The following ZFPM2 variants were observed in gnomAD, a reference collection of about 807,000 sequenced individuals.
The protein encoded by ZFPM2 is zinc finger protein, FOG family member 2, also known as zinc finger protein ZFPM2.
A neutral mutation model predicts 98.6 loss-of-function variants in ZFPM2; 20 were observed. That is an observed-to-expected ratio of 0.20 (90% confidence interval 0.14 to 0.29). The LOEUF (loss-of-function observed/expected upper bound fraction) is 0.29. Ranked by LOEUF, ZFPM2 falls within the 10% of genes least tolerant of loss-of-function variation. The probability of loss-of-function intolerance (pLI) is 1.00; values close to 1 mark genes in which losing one functional copy is unlikely to be tolerated. For synonymous variants in ZFPM2, 518 were observed against 502.7 expected (o/e 1.03, Z -0.41); for missense variants, 1,310 against 1,388.6 (o/e 0.94, Z 0.90).
At chr8:105,604,213 G>A (rs768890489) in intron 4 of ZFPM2, among the ~76,000 whole-genome samples, 12 of 151,852 alleles carry the variant, frequency 7.9e-5, no homozygotes, top group Non-Finnish European at 1.3e-4. Flanking sequence ...CTCAAATCTG[G>A]GAGTTAGCCT....
intron 5 of ZFPM2, among the ~76,000 whole-genome samples, chr8:105,726,740 AGTGTGGCAGGAT>A: frequency 6.6e-6 from 1 of 151,906 alleles, no homozygotes; most frequent in East Asian, 2.0e-4. Context: ...TTAGGTGATA[AGTGTGGCAGGAT>A]GTGAGGGAAA....
chr8:105,365,166 A>G (rs1260452539), intron 1 of ZFPM2, among the ~76,000 whole-genome samples: 1 of 152,202 alleles, frequency 6.6e-6, no homozygotes, highest in Non-Finnish European at 1.5e-5. Flanking sequence ...TGGTGATCAC[A>G]TAACTCACAG....
chr8:105,755,781 TA>T (rs1563550547), intron 5 of ZFPM2, among the ~76,000 whole-genome samples: 1 of 152,266 alleles, frequency 6.6e-6, no homozygotes, highest in African/African-American at 2.4e-5. Context: ...TTAAAATTAA[TA>T]AAAAAGAACC....
intron 3 of ZFPM2, among the ~76,000 whole-genome samples, chr8:105,517,857 A>G (rs1245243868): frequency 6.6e-6 from 1 of 152,094 alleles, no homozygotes; most frequent in Non-Finnish European, 1.5e-5. Context: ...GATTGCAGTG[A>G]ACCATGTTCA....
At chr8:105,385,730 C>G (rs1158877413) in intron 1 of ZFPM2, among the ~76,000 whole-genome samples, 2 of 152,192 alleles carry the variant, frequency 1.3e-5, no homozygotes, top group Non-Finnish European at 2.9e-5. Flanking sequence ...TACTTTATAG[C>G]AGTAATGTCA....
Position 105,435,680 on chromosome 8 carries a change from G to C in ZFPM2, c.200-8600G>C, listed in dbSNP as rs777372796. Among the ~76,000 whole-genome samples the C allele has an allele frequency of 1.3e-3, 201 of 151,738 alleles. 3 individuals are homozygous for C. The highest frequency in any genetic ancestry group is 1.7e-3 in the Non-Finnish European group (115 of 67,952). Reference sequence around the variant, plus strand: ...ATGGATAGAAGTAAAAAAAAATGTTGGTCAATAAAGTCAATTTCATTTAAA... The same window carrying C: ...ATGGATAGAAGTAAAAAAAAATGTTCGTCAATAAAGTCAATTTCATTTAAA... On this transcript the variant is annotated intron_variant, in intron 2 of 7. Coordinates refer to ENST00000407775, the MANE Select transcript of ZFPM2 (RefSeq NM_012082.4).
At chr8:105,557,134 TCTA>T (rs1815013959) in intron 3 of ZFPM2, among the ~76,000 whole-genome samples, 1 of 152,166 alleles carries the variant, frequency 6.6e-6, no homozygotes, top group African/African-American at 2.4e-5. Context: ...CAATTTCTTT[TCTA>T]TGTCTCTTGC....
At chr8:105,740,250 A>G (rs1184255992) in intron 5 of ZFPM2, among the ~76,000 whole-genome samples, 2 of 151,998 alleles carry the variant, frequency 1.3e-5, no homozygotes, top group Admixed American at 6.6e-5. Context: ...CTTCTCTCCT[A>G]CAGAGGTTAA....
chr8:105,769,627 T>G (rs1266951775), intron 5 of ZFPM2, among the ~76,000 whole-genome samples: 1 of 152,080 alleles, frequency 6.6e-6, no homozygotes. Context: ...AATCATATAA[T>G]GAGCCTTGAT....
chr8:105,320,576 G>A (rs575767241), intron 1 of ZFPM2, among the ~76,000 whole-genome samples: 1 of 152,204 alleles, frequency 6.6e-6, no homozygotes, highest in Admixed American at 6.5e-5. Context: ...CTTATTATAA[G>A]ATATGATTAT....
chr8:105,380,284 G>A (rs1810821090), intron 1 of ZFPM2, among the ~76,000 whole-genome samples: 1 of 151,860 alleles, frequency 6.6e-6, no homozygotes, highest in Admixed American at 6.6e-5. Flanking sequence ...TATAAGTAAA[G>A]TGGAGTTGAG....
At chr8:105,502,892 G>T (rs1424026832) in intron 3 of ZFPM2, among the ~76,000 whole-genome samples, 1 of 152,086 alleles carries the variant, frequency 6.6e-6, no homozygotes, top group Non-Finnish European at 1.5e-5. Context: ...ATCCACAGGG[G>T]CCATATCAAT....
intron 3 of ZFPM2, among the ~76,000 whole-genome samples, chr8:105,518,401 G>A (rs1327134442): frequency 6.6e-6 from 1 of 152,144 alleles, no homozygotes; most frequent in Non-Finnish European, 1.5e-5. Context: ...TCAAATTAAA[G>A]TTTAATTTCA....
At chr8:105,387,343 C>A in intron 1 of ZFPM2, 1 of 163,954 alleles carries the variant, frequency 6.1e-6, no homozygotes, top group Non-Finnish European at 1.3e-5. Flanking sequence ...CTCCTCAGCC[C>A]TTGGGTGGTC....
intron 5 of ZFPM2, among the ~76,000 whole-genome samples, chr8:105,750,128 T>C (rs1812442414): frequency 6.6e-6 from 1 of 152,082 alleles, no homozygotes; most frequent in Non-Finnish European, 1.5e-5. Context: ...TGTTACTTTA[T>C]TGAAATCTTC....
chr8:105,524,773 C>A (rs1272069326), intron 3 of ZFPM2, among the ~76,000 whole-genome samples: 1 of 152,092 alleles, frequency 6.6e-6, no homozygotes, highest in Non-Finnish European at 1.5e-5. Flanking sequence ...TGCCTAGAAA[C>A]TTTGGCTGCA....
intron 4 of ZFPM2, among the ~76,000 whole-genome samples, chr8:105,609,587 C>G (rs775884193): frequency 7.9e-5 from 12 of 152,074 alleles, no homozygotes; most frequent in Non-Finnish European, 1.5e-5. Context: ...TGGAAATGTG[C>G]GTTCTTATAT....
intron 5 of ZFPM2, among the ~76,000 whole-genome samples, chr8:105,748,596 GTT>G (rs1436253340): frequency 6.6e-6 from 1 of 151,982 alleles, no homozygotes; most frequent in African/African-American, 2.4e-5. Context: ...ATTTGCTTTT[GTT>G]TTGTTTTGTC....
intron 1 of ZFPM2, among the ~76,000 whole-genome samples, chr8:105,412,679 T>A (rs1310606980): frequency 6.7e-6 from 1 of 148,378 alleles, no homozygotes; most frequent in Non-Finnish European, 1.5e-5. Flanking sequence ...AAAATAGTAT[T>A]TTTTTTTTAG....
Sources: allele counts gnomAD v4.1 joint callset (sites outside exome capture counted in the v4.1 genomes callset), GRCh38; gene constraint gnomAD v4.1.1; transcripts MANE v1.5; gene names NCBI Gene and HGNC (gene_info 2026-07-23, HGNC 2026-07-21).